KDM4C: variants seen among roughly 807,000 people sequenced by gnomAD.
The protein encoded by KDM4C is lysine-specific demethylase 4C.
In KDM4C, 81 loss-of-function variants were observed where a neutral mutation model predicts 129.3. That is an observed-to-expected ratio of 0.63 (90% CI 0.52 to 0.75). The LOEUF is 0.75. Among genes scored for constraint, KDM4C ranks in the 30% least tolerant of loss-of-function variants. KDM4C has a pLI of 0.00. For synonymous variants in KDM4C, 573 were observed against 456.1 expected (o/e 1.26, Z -3.26); for missense variants, 1,457 against 1,304.0 (o/e 1.12, Z -1.81).
At chr9:7,087,346 C>A (rs928447482) in intron 17 of KDM4C, among the ~76,000 whole-genome samples, 1 of 151,692 alleles carries the variant, frequency 6.6e-6, no homozygotes, top group East Asian at 1.9e-4. Flanking sequence ...CAGTCTGTAA[C>A]ATACATTCAT....
Position 7,165,434 on chromosome 9 carries a change from G to C in KDM4C, c.2901+77G>C, listed in dbSNP as rs1027377155. On this transcript the variant is annotated intron_variant, in intron 20 of 21. Transcript: ENST00000381309. ...AAGGAGATAGTATCTCAAGTGTGCTGCTGAACAATAAGCCACATGAATTTG... is the reference window on the plus strand; with the variant it reads ...AAGGAGATAGTATCTCAAGTGTGCTCCTGAACAATAAGCCACATGAATTTG... 9 of 1,498,158 alleles carry C rather than the reference G, an allele frequency of 6.0e-6. No homozygotes were observed. In the African/African-American group the frequency reaches 9.8e-5, roughly 16 times the overall value. The allele number at this position is 1,498,158 out of a possible 1,614,324, so 92.8% of individuals were successfully genotyped here. A position where few individuals can be genotyped will look rare whatever the true frequency, so the allele number is the denominator to read the frequency against.
At chr9:6,732,731 G>A (rs965673742) in intron 1 of KDM4C, among the ~76,000 whole-genome samples, 1 of 149,054 alleles carries the variant, frequency 6.7e-6, no homozygotes, top group African/African-American at 2.5e-5. Flanking sequence ...ACCACGTGGT[G>A]GCTGGGTGTG....
intron 1 of KDM4C, among the ~76,000 whole-genome samples, chr9:6,766,521 G>C (rs537779755): frequency 5.9e-5 from 9 of 152,120 alleles, no homozygotes; most frequent in African/African-American, 2.2e-4. Flanking sequence ...TCCATTTTTA[G>C]CATTGTACAT....
intron 4 of KDM4C, among the ~76,000 whole-genome samples, chr9:6,827,789 G>T (rs1306894695): frequency 1.3e-5 from 2 of 152,220 alleles, no homozygotes; most frequent in African/African-American, 2.4e-5. Flanking sequence ...TGGCTTGTAG[G>T]ATTGTGACTT....
intron 15 of KDM4C, among the ~76,000 whole-genome samples, 174 bp downstream of exon 15, chr9:7,016,103 A>G (rs1421251721): frequency 1.3e-5 from 2 of 151,710 alleles, no homozygotes; most frequent in African/African-American, 4.8e-5. Flanking sequence ...TTCTATATCC[A>G]TTATAGAAAT....
chr9:6,913,904 G>A (rs144450594), intron 8 of KDM4C, among the ~76,000 whole-genome samples: 220 of 152,368 alleles, frequency 1.4e-3, no homozygotes, highest in Admixed American at 1.8e-3. Flanking sequence ...GGGATAGTAT[G>A]AGAGTTGAGA....
intron 17 of KDM4C, among the ~76,000 whole-genome samples, chr9:7,082,612 T>C (rs1242773620): frequency 1.3e-5 from 2 of 152,044 alleles, no homozygotes; most frequent in African/African-American, 4.8e-5. Context: ...CCTGTGAGAG[T>C]CTTGCTTTGT....
intron 8 of KDM4C, among the ~76,000 whole-genome samples, chr9:6,952,066 A>G (rs1341657905): frequency 6.6e-6 from 1 of 152,216 alleles, no homozygotes; most frequent in Non-Finnish European, 1.5e-5. Flanking sequence ...CTTAAAAAAT[A>G]CATTGTTGAT....
intron 2 of KDM4C, among the ~76,000 whole-genome samples, chr9:6,801,409 A>AT (rs201586450): frequency 9.4e-5 from 14 of 149,196 alleles, no homozygotes; most frequent in African/African-American, 2.5e-4. Context: ...AATTTTCTGT[A>AT]TTTTTTTTTA....
At chr9:6,889,994 T>A (rs1180162397) in intron 7 of KDM4C, among the ~76,000 whole-genome samples, 1 of 152,068 alleles carries the variant, frequency 6.6e-6, no homozygotes, top group East Asian at 1.9e-4. Flanking sequence ...CTGTGGAAAG[T>A]GGCGAGATGA....
At chr9:6,972,327 C>G (rs1030540253) in intron 8 of KDM4C, among the ~76,000 whole-genome samples, 1 of 151,692 alleles carries the variant, frequency 6.6e-6, no homozygotes, top group Non-Finnish European at 1.5e-5. Flanking sequence ...CACACACACA[C>G]CTATTTTCTC....
Position 6,975,866 on chromosome 9 carries a change from C to T in KDM4C, c.922-5059C>T, listed in dbSNP as rs535228057. On this transcript the variant is annotated intron_variant, in intron 8 of 21. Transcript: ENST00000381309. The stretch of plus-strand genomic sequence containing the variant: ...CAGCTTGGCTAACATAGCAAAACCC[C>T]GTCTCTACTAAAAATACAAAAATTA... 6.6e-5 allele frequency among the ~76,000 whole-genome samples: 10 copies of T among 152,232 alleles called. No individual in the cohort carries two copies. The East Asian group carries it at 9.6e-4, about 15-fold the overall frequency.
chr9:7,019,535 C>T lies in KDM4C; in HGVS notation c.2259+3606C>T, dbSNP rs115585555. ...CCTATAGCATATTCAGTTTGAGACA[C>T]GTGATTATACAACAAATTTAATTGT... is the stretch of plus-strand genomic sequence containing the variant. On this transcript the variant is annotated intron_variant, in intron 15 of 21. Transcript: ENST00000381309. Among the ~76,000 whole-genome samples the T allele has an allele frequency of 5.2e-3, 794 of 151,376 alleles. 13 individuals carry two copies. The highest frequency in any genetic ancestry group is 0.017 in the African/African-American group (711 of 41,270).
intron 17 of KDM4C, among the ~76,000 whole-genome samples, chr9:7,074,223 G>T: frequency 6.6e-6 from 1 of 152,038 alleles, no homozygotes; most frequent in East Asian, 1.9e-4. Context: ...GAGTGCAGTG[G>T]CGCGATCTCA....
At chr9:7,122,265 A>ACACACACACACACTCTCTCTCTCT (rs375655422) in intron 18 of KDM4C, among the ~76,000 whole-genome samples, 30 of 144,818 alleles carry the variant, frequency 2.1e-4, no homozygotes, top group African/African-American at 7.3e-4. Flanking sequence ...ACACACACAC[A>ACACACACACACACTCTCTCTCTCT]CTCTCTCTCT....
At chr9:7,005,186 A>T (rs1397879270) in intron 12 of KDM4C, among the ~76,000 whole-genome samples, 1 of 152,176 alleles carries the variant, frequency 6.6e-6, no homozygotes, top group Non-Finnish European at 1.5e-5. Context: ...CTGTAATCCC[A>T]GCACTTTGGG....
rs1358366883 is a variant in KDM4C, at chr9:6,971,335, A to G, written c.922-9590A>G. 2.0e-5 allele frequency among the ~76,000 whole-genome samples: 3 copies of G among 152,300 alleles called. No homozygotes were observed. In the East Asian group the frequency reaches 5.8e-4, roughly 29 times the overall value. The stretch of plus-strand genomic sequence containing the variant: ...TATGATTCCTTTTTGGATTTATTCC[A>G]GTTTGGATTTAAATATATTAAAAGT... On this transcript the variant is annotated intron_variant, in intron 8 of 21. Coordinates refer to ENST00000381309, the MANE Select transcript of KDM4C (RefSeq NM_015061.6).
intron 12 of KDM4C, among the ~76,000 whole-genome samples, chr9:7,002,249 T>C (rs1269370226): frequency 1.3e-5 from 2 of 152,310 alleles, no homozygotes; most frequent in African/African-American, 2.4e-5. Context: ...TAATTTCTTA[T>C]TTCCAGAATC....
rs527776913 is a variant in KDM4C, at chr9:7,040,369, C to CTGTGTG, written c.2260-6462_2260-6457dup. 3.4e-3 allele frequency among the ~76,000 whole-genome samples: 342 copies of CTGTGTG among 100,376 alleles called. 3 individuals carry two copies. The highest frequency in any genetic ancestry group is 8.5e-3 in the African/African-American group (261 of 30,778). The allele number at this position is 100,376 out of a possible 152,430, so 65.9% of individuals were successfully genotyped here. On this transcript the variant is annotated intron_variant, in intron 15 of 21. Transcript: ENST00000381309. ...TCTTTCCCTCTCTCTCTACCCCACT[C>CTGTGTG]TGTGTGTGTGTGTGTGTGTGTGTGT...
Sources: gnomAD v4.1 joint callset for allele counts (sites outside exome capture counted in the v4.1 genomes callset) on GRCh38, gnomAD v4.1.1 for gene constraint, MANE v1.5 for transcripts, NCBI Gene and HGNC (gene_info 2026-07-23, HGNC 2026-07-21) for gene names.